Variants in ZRSR2 observed in about 807,000 individuals in gnomAD.
The protein encoded by ZRSR2 is U2 small nuclear ribonucleoprotein auxiliary factor 35 kDa subunit-related protein 2.
Under a neutral mutation model 39.4 loss-of-function variants are expected in ZRSR2, and 3 were observed. The observed-to-expected ratio is 0.08, with a 90% confidence interval of 0.03 to 0.20. The LOEUF (loss-of-function observed/expected upper bound fraction) is 0.20. ZRSR2 is among the 10% of genes least tolerant of loss of function. The pLI, the probability that ZRSR2 is intolerant of heterozygous loss-of-function variation, is 1.00. For missense variants in ZRSR2, 256 were observed against 391.5 expected, an observed-to-expected ratio of 0.65 and a Z score of 2.92; for synonymous variants, 137 against 136.0, an observed-to-expected ratio of 1.01 and a Z score of -0.05.
At position 15,823,183 on chromosome X, in the gene ZRSR2, C is replaced by T. The variant is rs1196200389; in HGVS notation, c.1390C>T (p.Arg464Cys). The T allele has an allele frequency of 8.4e-7, 1 of 1,197,284 alleles. No individual in the cohort carries two copies. Among genetic ancestry groups the T allele is most frequent in the Non-Finnish European group, 1.1e-6 (1 of 889,759 alleles). Residue 464 changes from arginine to cysteine, a missense_variant, in exon 11 of 11, where the codon CGT (arginine) becomes TGT (cysteine). Arg to Cys is a radical substitution (Grantham distance 180). This residue lies in a region of ZRSR2 where 111 missense variants were observed against 116.7 expected (regional missense o/e 0.95). Coordinates refer to ENST00000307771, the MANE Select transcript of ZRSR2 (RefSeq NM_005089.4). ...RSQSSSRSRS[R>C]GRRRSGNRDR... Reference sequence around the variant, plus strand: ...CCAAAGTTCCTCTAGGTCCCGAAGTCGTGGCAGGAGGAGGTCGGGTAATAG... The same window carrying T: ...CCAAAGTTCCTCTAGGTCCCGAAGTTGTGGCAGGAGGAGGTCGGGTAATAG...
intron 2 of ZRSR2, among the ~76,000 whole-genome samples, chrX:15,798,195 GACAA>G (rs1932545244): frequency 8.9e-6 from 1 of 112,268 alleles, no homozygotes; most frequent in African/African-American, 3.2e-5. Flanking sequence ...CAACACATGT[GACAA>G]ACAGACTCTT....
In ZRSR2 at chrX:15,823,130, G is replaced by A. The variant is rs375322183; in HGVS notation, c.1337G>A (p.Arg446Gln). ...GRGSRSRSRS[R>Q]SRRSRRSRSQ... ...GGCAGCCGGAGCCGGAGCCGGAGCC[G>A]GAGCCGCAGGAGCCGCCGCAGCCGG... The change falls in exon 11 of 11, where the codon CGG becomes CAG. Residue 446 changes from arginine to glutamine, a missense_variant. Transcript: ENST00000307771. 1.7e-6 allele frequency: 2 copies of A among 1,204,992 alleles called. No individual in the cohort carries two copies. The highest frequency in any genetic ancestry group is 3.0e-5 in the East Asian group (1 of 33,691).
At chrX:15,798,734 A>T (rs1220832538) in intron 2 of ZRSR2, among the ~76,000 whole-genome samples, 1 of 112,320 alleles carries the variant, frequency 8.9e-6, no homozygotes, top group Non-Finnish European at 1.9e-5. Context: ...AATGCCCTGT[A>T]TTCTGGATTG....
intron 1 of ZRSR2, 124 bp from the exon 2 acceptor site, chrX:15,790,810 A>T: frequency 2.9e-6 from 2 of 688,982 alleles, no homozygotes; most frequent in South Asian, 2.5e-5. Context: ...ATTAAAATAC[A>T]GGAAGCAAGG....
intron 8 of ZRSR2, among the ~76,000 whole-genome samples, chrX:15,816,771 T>C (rs991060002): frequency 3.6e-5 from 4 of 111,898 alleles, no homozygotes; most frequent in Non-Finnish European, 3.8e-5. Flanking sequence ...CAAATGATGA[T>C]GAAAAGTTGG....
intron 7 of ZRSR2, among the ~76,000 whole-genome samples, chrX:15,814,728 A>G (rs1414044103): frequency 8.9e-6 from 1 of 111,912 alleles, no homozygotes; most frequent in Non-Finnish European, 1.9e-5. Context: ...CATATGACTG[A>G]CTTGGGCAAG....
In ZRSR2 at chrX:15,815,884, G is replaced by A. The variant is rs750284587; in HGVS notation, c.765G>A (p.Gln255=). 1 of 1,202,394 alleles carries A rather than the reference G, an allele frequency of 8.3e-7. No homozygotes were observed. The highest frequency in any genetic ancestry group is 2.2e-5 in the Admixed American group (1 of 45,528). ...PEFKNVGKVI[Q]FKVSCNLEPH... is the part of the protein sequence containing the mutation. ...TCAAGAACGTGGGGAAAGTGATTCA[G>A]TTCAAGGTGGGCATGCGTGTGGAGG... Residue 255 remains glutamine, a synonymous_variant, in exon 8 of 11, where the codon CAG becomes CAA. Coordinates refer to ENST00000307771, the MANE Select transcript of ZRSR2 (RefSeq NM_005089.4).
rs149065607 is a variant in ZRSR2, at chrX:15,809,939, C to T, written c.557+621C>T. 5.2e-4 allele frequency among the ~76,000 whole-genome samples: 58 copies of T among 112,157 alleles called. 1 individual carries two copies. The East Asian group carries it at 0.015, about 29-fold the overall frequency. On this transcript the variant is annotated intron_variant, in intron 7 of 10. Transcript: ENST00000307771. ...AGTGTGCCCAGACTCAGGTACAGACCGTTGGGTTCAAAACGGGCTTCAGTG... is the reference window on the plus strand; with the variant it reads ...AGTGTGCCCAGACTCAGGTACAGACTGTTGGGTTCAAAACGGGCTTCAGTG...
At chrX:15,813,244 AAGTATC>A (rs1256103522) in intron 7 of ZRSR2, among the ~76,000 whole-genome samples, 1 of 112,195 alleles carries the variant, frequency 8.9e-6, no homozygotes, top group Non-Finnish European at 1.9e-5. Flanking sequence ...AAACTGACTT[AAGTATC>A]AGAATAATGG....
chrX:15,821,773 G>C (rs1933112529), intron 10 of ZRSR2, among the ~76,000 whole-genome samples: 1 of 110,137 alleles, frequency 9.1e-6, no homozygotes, highest in African/African-American at 3.3e-5. Context: ...TATAGTATGT[G>C]GTACGGAGGT....
intron 8 of ZRSR2, 78 bp downstream of exon 8, chrX:15,815,968 G>C (rs1409341479): frequency 1.2e-6 from 1 of 868,967 alleles, no homozygotes; most frequent in African/African-American, 2.0e-5. Context: ...TGGGACACAG[G>C]CTCAGCTGGG....
At chrX:15,817,728 AG>A (rs1398475310) in intron 8 of ZRSR2, among the ~76,000 whole-genome samples, 1 of 111,563 alleles carries the variant, frequency 9.0e-6, no homozygotes, top group African/African-American at 3.3e-5. Context: ...CACAGTAGAG[AG>A]CTCTTTATAC....
At chrX:15,808,171 A>C in intron 5 of ZRSR2, 62 bp from the exon 6 acceptor site, 2 of 1,024,980 alleles carry the variant, frequency 2.0e-6, no homozygotes, top group Admixed American at 2.2e-5. Flanking sequence ...TTAACCAGAG[A>C]AACCAGATGT....
rs776842799 is a variant in ZRSR2 at position 15,822,976 on chromosome X, T to A, written c.1183T>A (p.Ser395Thr). The A allele has an allele frequency of 1.7e-6, 2 of 1,211,858 alleles. No individual in the cohort carries two copies. The highest frequency in any genetic ancestry group is 2.2e-6 in the Non-Finnish European group (2 of 895,554). ...PDHSYKRNGESERKSSRHRGK... is the reference protein window; with the variant it reads ...PDHSYKRNGETERKSSRHRGK... ...CCACTCCTACAAAAGAAATGGGGAA[T>A]CCGAGAGGAAAAGTAGTCGTCACAG... Residue 395 changes from serine (S) to threonine (T), a missense_variant, in exon 11 of 11, where the codon TCC becomes ACC. By Grantham distance (58) the Ser-to-Thr change is moderately conservative (BLOSUM62 1). Around this residue, in one of 3 missense-constraint regions of ZRSR2, gnomAD observed 111 missense variants for 116.7 expected, o/e 0.95. Transcript: ENST00000307771.
chrX:15,810,562 T>TCTG (rs1932864019), intron 7 of ZRSR2, among the ~76,000 whole-genome samples: 1 of 111,481 alleles, frequency 9.0e-6, no homozygotes, highest in South Asian at 3.7e-4. Flanking sequence ...TTCTTCTTCT[T>TCTG]TGAAAATATA....
At chrX:15,802,200 C>A (rs778375489) in intron 3 of ZRSR2, among the ~76,000 whole-genome samples, 1 of 112,284 alleles carries the variant, frequency 8.9e-6, no homozygotes, top group African/African-American at 3.2e-5. Context: ...CCAGACTAGA[C>A]ATAAAACTTT....
intron 2 of ZRSR2, among the ~76,000 whole-genome samples, chrX:15,796,675 T>C (rs1423791378): frequency 9.0e-6 from 1 of 110,699 alleles, no homozygotes; most frequent in Non-Finnish European, 1.9e-5. Context: ...AAGTTGTCAA[T>C]GATTATGTTG....
At chrX:15,793,139 TC>T (rs755852361) in intron 2 of ZRSR2, among the ~76,000 whole-genome samples, 22 of 112,109 alleles carry the variant, frequency 2.0e-4, no homozygotes, top group African/African-American at 7.1e-4. Context: ...ACTTCGTCTC[TC>T]CCCCCTTGAA....
chrX:15,812,365 A>G (rs988411192), intron 7 of ZRSR2, among the ~76,000 whole-genome samples: 2 of 112,332 alleles, frequency 1.8e-5, no homozygotes, highest in African/African-American at 6.5e-5. Context: ...GCAGTTACAA[A>G]ATCCAGCACC....
Sources: gnomAD v4.1 joint callset for allele counts (sites outside exome capture counted in the v4.1 genomes callset) on GRCh38, gnomAD v4.1.1 for gene constraint, gnomAD v4.1.1 regional missense constraint, MANE v1.5 for transcripts, NCBI Gene and HGNC (gene_info 2026-07-23, HGNC 2026-07-21) for gene names.